Variants in PPP1R12B observed in about 807,000 individuals in gnomAD.
The protein encoded by PPP1R12B is myosin phosphatase target subunit 2.
PPP1R12B carries 76 observed loss-of-function variants against 126.1 expected under a neutral mutation model. That is an observed-to-expected ratio of 0.60 (90% CI 0.50 to 0.73). PPP1R12B has a LOEUF of 0.73. Ranked by LOEUF, PPP1R12B falls within the 30% of genes least tolerant of loss-of-function variation. The pLI, the probability that PPP1R12B is intolerant of heterozygous loss-of-function variation, is 0.00. For synonymous variants in PPP1R12B, 356 were observed against 434.7 expected, an observed-to-expected ratio of 0.82 and a Z score of 2.25; for missense variants, 1,052 against 1,205.1, an observed-to-expected ratio of 0.87 and a Z score of 1.88.
chr1:202,537,451 A>G (rs1684664123), intron 18 of PPP1R12B, among the ~76,000 whole-genome samples: 1 of 152,216 alleles, frequency 6.6e-6, no homozygotes, highest in Non-Finnish European at 1.5e-5. Context: ...GTTTGTTGAC[A>G]GAAACATCGG....
At chr1:202,357,454 G>A (rs1657322013) in intron 1 of PPP1R12B, among the ~76,000 whole-genome samples, 1 of 151,994 alleles carries the variant, frequency 6.6e-6, no homozygotes, top group South Asian at 2.1e-4. Flanking sequence ...TCTTTCTGTT[G>A]ACTTTTGGGA....
chr1:202,361,814 A>C (rs1658267825), intron 1 of PPP1R12B, among the ~76,000 whole-genome samples: 1 of 152,116 alleles, frequency 6.6e-6, no homozygotes. Context: ...TTTATAAGAG[A>C]TAGGAAGAGT....
intron 1 of PPP1R12B, among the ~76,000 whole-genome samples, chr1:202,351,240 TTTA>T (rs1655931472): frequency 6.8e-6 from 1 of 147,172 alleles, no homozygotes; most frequent in Non-Finnish European, 1.5e-5. Context: ...GTTGTTGTTG[TTTA>T]AAAAAAAAAA....
chr1:202,364,437 A>G (rs1169322270), intron 1 of PPP1R12B, among the ~76,000 whole-genome samples: 2 of 152,132 alleles, frequency 1.3e-5, no homozygotes, highest in Admixed American at 6.5e-5. Context: ...ACTAAGCAAC[A>G]TGATAACATT....
intron 2 of PPP1R12B, 94 bp downstream of exon 2, chr1:202,417,011 T>A: frequency 2.2e-6 from 3 of 1,364,812 alleles, no homozygotes; most frequent in Non-Finnish European, 2.0e-6. Flanking sequence ...TATAAATAGT[T>A]ATAATCTCTC....
intron 18 of PPP1R12B, among the ~76,000 whole-genome samples, chr1:202,532,860 C>CTTTTTTTT (rs375983770): frequency 1.1e-5 from 1 of 93,814 alleles, no homozygotes; most frequent in Non-Finnish European, 2.0e-5. Flanking sequence ...ATCACATTCA[C>CTTTTTTTT]TTTTTTTTTT....
chr1:202,525,831 G>A (rs1683278993), intron 18 of PPP1R12B, among the ~76,000 whole-genome samples: 2 of 152,136 alleles, frequency 1.3e-5, no homozygotes, highest in South Asian at 4.1e-4. Flanking sequence ...CCGAGTAGCT[G>A]TGATTACAGG....
intron 1 of PPP1R12B, among the ~76,000 whole-genome samples, chr1:202,352,279 TTGAC>T (rs1336151954): frequency 6.6e-6 from 1 of 152,246 alleles, no homozygotes; most frequent in Admixed American, 6.5e-5. Flanking sequence ...TTTATTAAGT[TTGAC>T]TGTTAGCACC....
At chr1:202,548,808 C>CTATATATATATA (rs370219273) in intron 18 of PPP1R12B, among the ~76,000 whole-genome samples, 9 of 72,976 alleles carry the variant, frequency 1.2e-4, no homozygotes, top group Non-Finnish European at 1.9e-4. Context: ...CTCTCTCTCT[C>CTATATATATATA]TATATATATA....
chr1:202,367,292 ATAGT>A (rs1659403924), intron 1 of PPP1R12B, among the ~76,000 whole-genome samples: 1 of 152,216 alleles, frequency 6.6e-6, no homozygotes, highest in South Asian at 2.1e-4. Context: ...GGAATCAGAC[ATAGT>A]TGGTTTCTAA....
intron 23 of PPP1R12B, among the ~76,000 whole-genome samples, chr1:202,574,720 T>C (rs1558392994): frequency 1.3e-5 from 2 of 152,164 alleles, no homozygotes; most frequent in Non-Finnish European, 2.9e-5. Context: ...AAGCAATCCA[T>C]ATGTGCCTTT....
At chr1:202,404,524 T>C (rs976377371) in intron 1 of PPP1R12B, among the ~76,000 whole-genome samples, 15 of 152,066 alleles carry the variant, frequency 9.9e-5, no homozygotes, top group Non-Finnish European at 1.6e-4. Context: ...TTTTTTGAGA[T>C]GGAGTCTCAC....
chr1:202,447,805 T>C (rs1233740331), intron 12 of PPP1R12B, among the ~76,000 whole-genome samples: 3 of 152,242 alleles, frequency 2.0e-5, no homozygotes, highest in Non-Finnish European at 1.5e-5. Context: ...TGTGTCTAGC[T>C]AATTTTATTA....
chr1:202,482,109 T>G (rs1191341846), intron 13 of PPP1R12B, among the ~76,000 whole-genome samples: 3 of 152,326 alleles, frequency 2.0e-5, no homozygotes, highest in Middle Eastern at 3.4e-3. Flanking sequence ...TGTTCCATTC[T>G]GGATATACAC....
chr1:202,473,523 A>T (rs923072263), intron 13 of PPP1R12B, among the ~76,000 whole-genome samples: 5 of 152,228 alleles, frequency 3.3e-5, no homozygotes, highest in African/African-American at 1.2e-4. Flanking sequence ...ATGAAATAGG[A>T]TCCAGAATGA....
intron 1 of PPP1R12B, among the ~76,000 whole-genome samples, chr1:202,386,331 TTTTA>T (rs1296867527): frequency 4.6e-5 from 7 of 151,600 alleles, no homozygotes; most frequent in African/African-American, 1.7e-4. Flanking sequence ...ATTTGTTTAT[TTTTA>T]TTTATTTATT....
chr1:202,551,662 G>C (rs1327643729), intron 18 of PPP1R12B, among the ~76,000 whole-genome samples: 3 of 152,186 alleles, frequency 2.0e-5, no homozygotes, highest in African/African-American at 7.2e-5. Context: ...TAGCACAGTT[G>C]ACCTTAAGTT....
intron 18 of PPP1R12B, among the ~76,000 whole-genome samples, chr1:202,499,932 AC>A (rs1440584287): frequency 6.6e-6 from 1 of 152,234 alleles, no homozygotes; most frequent in African/African-American, 2.4e-5. Flanking sequence ...AGATCATCTG[AC>A]CTGTTAGAAT....
At chr1:202,394,756 GA>G (rs1004711025) in intron 1 of PPP1R12B, among the ~76,000 whole-genome samples, 7 of 140,806 alleles carry the variant, frequency 5.0e-5, no homozygotes, top group African/African-American at 1.8e-4. Context: ...CTCTGTCTCA[GA>G]AAAAAAAAGG....
Sources: allele counts gnomAD v4.1 joint callset (sites outside exome capture counted in the v4.1 genomes callset), GRCh38; gene constraint gnomAD v4.1.1; transcripts MANE v1.5; gene names NCBI Gene and HGNC (gene_info 2026-07-23, HGNC 2026-07-21).